The following C12orf42 variants were observed in gnomAD, a reference collection of about 807,000 sequenced individuals.
C12orf42 encodes the protein chromosome 12 open reading frame 42.
C12orf42 carries 25 observed loss-of-function variants against 21.6 expected under a neutral mutation model. That is an observed-to-expected ratio of 1.16 (90% CI 0.84 to 1.62). The LOEUF (loss-of-function observed/expected upper bound fraction) is 1.62. Ranked by LOEUF, C12orf42 falls within the 40% of genes most tolerant of loss-of-function variation. The probability of loss-of-function intolerance (pLI) is 0.00; values close to 1 mark genes in which losing one functional copy is unlikely to be tolerated. For missense variants in C12orf42, 483 were observed against 459.3 expected, an observed-to-expected ratio of 1.05 and a Z score of -0.47; for synonymous variants, 174 against 175.0, an observed-to-expected ratio of 0.99 and a Z score of 0.05.
At chr12:103,346,411 T>A (rs2042626583) in intron 4 of C12orf42, among the ~76,000 whole-genome samples, 1 of 152,200 alleles carries the variant, frequency 6.6e-6, no homozygotes, top group South Asian at 2.1e-4. Flanking sequence ...TTTAATTTAT[T>A]TTTAAGCTAT....
At chr12:103,287,492 G>C (rs1231620476) in intron 4 of C12orf42, among the ~76,000 whole-genome samples, 1 of 151,914 alleles carries the variant, frequency 6.6e-6, no homozygotes, top group African/African-American at 2.4e-5. Flanking sequence ...ACTCATAGGT[G>C]GGAATTGAAC....
chr12:103,554,677 A>C, the C12orf42 span, among the ~76,000 whole-genome samples: 1 of 152,170 alleles, frequency 6.6e-6, no homozygotes, highest in Non-Finnish European at 1.5e-5. Context: ...GCAAAAGGTG[A>C]AGGGGAAACA....
At chr12:103,319,701 T>C (rs1446238459) in intron 4 of C12orf42, among the ~76,000 whole-genome samples, 10 of 152,248 alleles carry the variant, frequency 6.6e-5, no homozygotes, top group Non-Finnish European at 1.5e-4. Flanking sequence ...CCAATACATC[T>C]TCTAACACAT....
At chr12:103,462,047 C>A (rs1952740605) in intron 2 of C12orf42, among the ~76,000 whole-genome samples, 1 of 146,062 alleles carries the variant, frequency 6.8e-6, no homozygotes, top group Non-Finnish European at 1.5e-5. Context: ...ATCTAACAAT[C>A]ATATAGAAAG....
At chr12:103,401,834 A>G (rs2048026445) in intron 2 of C12orf42, among the ~76,000 whole-genome samples, 159 bp from the exon 3 acceptor site, 1 of 152,240 alleles carries the variant, frequency 6.6e-6, no homozygotes, top group African/African-American at 2.4e-5. Context: ...ACACTGTCCC[A>G]GGTGCGTTGG....
intron 4 of C12orf42, among the ~76,000 whole-genome samples, chr12:103,350,758 T>C (rs78419235): frequency 3.9e-5 from 6 of 152,124 alleles, no homozygotes; most frequent in African/African-American, 1.2e-4. Flanking sequence ...GTCCCACACA[T>C]CCTTGATAAT....
At chr12:103,554,712 G>T in the C12orf42 span, among the ~76,000 whole-genome samples, 6 of 152,138 alleles carry the variant, frequency 3.9e-5, no homozygotes, top group African/African-American at 1.4e-4. Context: ...TGTCCAGCAA[G>T]AAAGAGAGAG....
rs998345387 is a variant in C12orf42 at position 103,281,635 on chromosome 12, C to T, written n.338-4425G>A. On this transcript the variant is annotated intron_variant and non_coding_transcript_variant, in intron 4 of 6. Transcript: ENST00000546526. ...CCTCCCAAAGTGCTGGGATTAGAGGCGTGAGCCACCGTGCCTGGTCTTTTA... is the reference window on the plus strand; with the variant it reads ...CCTCCCAAAGTGCTGGGATTAGAGGTGTGAGCCACCGTGCCTGGTCTTTTA... Among the ~76,000 whole-genome samples the T allele has an allele frequency of 7.2e-5, 11 of 152,146 alleles. No individual in the cohort carries two copies. The East Asian group carries it at 7.7e-4, about 11-fold the overall frequency.
chr12:103,553,721 G>A, the C12orf42 span, among the ~76,000 whole-genome samples: 1 of 152,130 alleles, frequency 6.6e-6, no homozygotes, highest in Non-Finnish European at 1.5e-5. Context: ...CAGAAGTAAA[G>A]CCTGGGAATC....
the C12orf42 span, among the ~76,000 whole-genome samples, chr12:103,181,104 A>G: frequency 6.6e-6 from 1 of 151,916 alleles, no homozygotes; most frequent in African/African-American, 2.4e-5. Context: ...TCTACTAAAA[A>G]TACAAAAATT....
intron 10 of C12orf42, among the ~76,000 whole-genome samples, chr12:103,259,300 CAG>C (rs1394877707): frequency 6.6e-6 from 1 of 152,144 alleles, no homozygotes; most frequent in Non-Finnish European, 1.5e-5. Flanking sequence ...TTTCTTGAGA[CAG>C]AGTTTCATTC....
chr12:103,338,192 T>C (rs370311424), intron 4 of C12orf42, among the ~76,000 whole-genome samples: 4 of 152,260 alleles, frequency 2.6e-5, no homozygotes, highest in African/African-American at 9.6e-5. Context: ...TTTTAGAAAA[T>C]TTACATTTAA....
chr12:103,302,087 C>G lies in C12orf42; in HGVS notation c.*21G>C, dbSNP rs766284252. ...TGATTTGAAGATGGGCAGCACTCGCCGAACAATTCCCTCGCAGCGGTCAAT... is the reference window on the plus strand; with the variant it reads ...TGATTTGAAGATGGGCAGCACTCGCGGAACAATTCCCTCGCAGCGGTCAAT... On this transcript the variant is annotated 3_prime_UTR_variant, in exon 6 of 6. Coordinates refer to ENST00000548883, the MANE Select transcript of C12orf42 (RefSeq NM_198521.5). The G allele has an allele frequency of 6.3e-7, 1 of 1,598,042 alleles. No homozygotes were observed. The highest frequency in any genetic ancestry group is 2.2e-5 in the East Asian group (1 of 44,816).
the C12orf42 span, among the ~76,000 whole-genome samples, chr12:103,112,799 A>G: frequency 6.6e-6 from 1 of 152,300 alleles, no homozygotes; most frequent in East Asian, 1.9e-4. Flanking sequence ...TCTCCCTGGT[A>G]TGCCAAGCTC....
chr12:103,146,771 T>C, the C12orf42 span, among the ~76,000 whole-genome samples: 1 of 152,240 alleles, frequency 6.6e-6, no homozygotes, highest in Non-Finnish European at 1.5e-5. Context: ...TTATTTCGTA[T>C]ATCTTTTTTC....
At chr12:103,187,033 C>T in the C12orf42 span, among the ~76,000 whole-genome samples, 2 of 152,012 alleles carry the variant, frequency 1.3e-5, no homozygotes, top group Admixed American at 6.5e-5. Flanking sequence ...CATACTATAC[C>T]ATCAAATCCT....
chr12:103,180,775 T>C, the C12orf42 span, among the ~76,000 whole-genome samples: 9 of 151,256 alleles, frequency 6.0e-5, no homozygotes, highest in African/African-American at 1.9e-4. Context: ...ATTACAGGCA[T>C]GTGCCACCAC....
chr12:103,142,228 G>T, the C12orf42 span, among the ~76,000 whole-genome samples: 19 of 152,224 alleles, frequency 1.2e-4, no homozygotes, highest in East Asian at 3.7e-3. Flanking sequence ...TAATGAGATT[G>T]TTAAAGTCAT....
intron 4 of C12orf42, among the ~76,000 whole-genome samples, chr12:103,342,615 A>T (rs1237384354): frequency 6.6e-6 from 1 of 151,930 alleles, no homozygotes; most frequent in Non-Finnish European, 1.5e-5. Flanking sequence ...TAAAAAAGAA[A>T]AAAAGCAAAT....
Sources: allele counts gnomAD v4.1 joint callset (sites outside exome capture counted in the v4.1 genomes callset), GRCh38; gene constraint gnomAD v4.1.1; transcripts MANE v1.5; gene names NCBI Gene and HGNC (gene_info 2026-07-23, HGNC 2026-07-21).